GULP1: variants seen among roughly 807,000 people sequenced by gnomAD.
GULP1 encodes PTB domain-containing engulfment adapter protein 1.
GULP1 carries 19 observed loss-of-function variants against 40.9 expected under a neutral mutation model. The observed-to-expected ratio is 0.46, with a 90% CI of 0.32 to 0.68. The LOEUF is 0.68. Ranked by LOEUF, GULP1 falls within the 30% of genes least tolerant of loss-of-function variation. The pLI, the probability that GULP1 is intolerant of heterozygous loss-of-function variation, is 0.03. For synonymous variants in GULP1, 119 were observed against 117.6 expected (o/e 1.01, Z -0.08); for missense variants, 312 against 362.2 (o/e 0.86, Z 1.12).
intron 2 of GULP1, among the ~76,000 whole-genome samples, chr2:188,445,793 A>G (rs892598542): frequency 2.0e-5 from 3 of 152,164 alleles, no homozygotes; most frequent in Non-Finnish European, 2.9e-5. Context: ...TTTCCATTCC[A>G]GATCATTATT....
chr2:188,562,012 G>A (rs529967196), intron 7 of GULP1, among the ~76,000 whole-genome samples: 7 of 152,228 alleles, frequency 4.6e-5, no homozygotes, highest in African/African-American at 1.7e-4. Context: ...CCCACCCGTG[G>A]GAGCTTATTC....
chr2:188,438,678 AAT>A (rs1403510576), intron 2 of GULP1, among the ~76,000 whole-genome samples: 5 of 151,926 alleles, frequency 3.3e-5, no homozygotes, highest in African/African-American at 9.7e-5. Flanking sequence ...TCACAAAAAA[AAT>A]GTAAAGAAGG....
At chr2:188,390,321 G>C (rs2050345170) in intron 2 of GULP1, among the ~76,000 whole-genome samples, 1 of 151,840 alleles carries the variant, frequency 6.6e-6, no homozygotes, top group South Asian at 2.1e-4. Context: ...TATTCTTGCA[G>C]GGCATCTCAT....
intron 7 of GULP1, among the ~76,000 whole-genome samples, chr2:188,545,408 T>C (rs1691655772): frequency 6.6e-6 from 1 of 151,920 alleles, no homozygotes; most frequent in Admixed American, 6.6e-5. Context: ...TGATTTCATA[T>C]ATGGACATGA....
Position 188,398,999 on chromosome 2 carries a change from C to G in GULP1, c.-45+15110C>G, listed in dbSNP as rs572625359. Among the ~76,000 whole-genome samples the G allele has an allele frequency of 3.9e-4, 59 of 152,248 alleles. 2 individuals carry two copies. The highest frequency in any genetic ancestry group is 3.4e-3 in the Middle Eastern group (1 of 294). ...TTTATCAGTTAGGTAGCCTGACAAT[C>G]TAAACTAGAAACTTTTTGATCAGGC... On this transcript the variant is annotated intron_variant, in intron 2 of 11. Transcript: ENST00000409830.
At chr2:188,486,589 T>A (rs2061881694) in intron 4 of GULP1, among the ~76,000 whole-genome samples, 1 of 152,018 alleles carries the variant, frequency 6.6e-6, no homozygotes, top group South Asian at 2.1e-4. Context: ...TAATTCTTTT[T>A]TAGAACACAT....
chr2:188,550,730 T>C (rs947534771), intron 7 of GULP1, among the ~76,000 whole-genome samples: 7 of 151,738 alleles, frequency 4.6e-5, no homozygotes, highest in Admixed American at 3.9e-4. Context: ...CATATTCTTA[T>C]TATAGCCATA....
intron 2 of GULP1, among the ~76,000 whole-genome samples, chr2:188,460,423 C>T (rs79613288): frequency 6.3e-5 from 9 of 143,696 alleles, no homozygotes; most frequent in Middle Eastern, 3.6e-3. Context: ...AATGGGAATT[C>T]TTTTTTTTTT....
At chr2:188,585,193 A>G (rs183802617) in intron 10 of GULP1, among the ~76,000 whole-genome samples, 163 of 152,290 alleles carry the variant, frequency 1.1e-3, no homozygotes, top group Admixed American at 6.4e-3. Flanking sequence ...GATGGACCCC[A>G]AGGCCTTGGG....
rs1699512728 is a variant in GULP1 at position 188,573,398 on chromosome 2, A to G, written c.609+3278A>G. ...ATGATTCAGATTATTGAATTTGAAA[A>G]ACAGACAATGCAAATTGCAAATAAT... On this transcript the variant is annotated intron_variant, in intron 9 of 11. Coordinates refer to ENST00000409830, the MANE Select transcript of GULP1 (RefSeq NM_016315.4). Among the ~76,000 whole-genome samples the G allele has an allele frequency of 2.0e-5, 3 of 152,348 alleles. No individual in the cohort carries two copies. The South Asian group carries it at 6.2e-4, about 32-fold the overall frequency.
At chr2:188,592,300 G>A (rs1009426737) in intron 11 of GULP1, 8 of 151,798 alleles carry the variant, frequency 5.3e-5, no homozygotes, top group African/African-American at 1.7e-4. Context: ...ATCTATCAAT[G>A]TATCATCTAT....
At chr2:188,580,100 C>G (rs999332114) in intron 9 of GULP1, among the ~76,000 whole-genome samples, 2 of 151,924 alleles carry the variant, frequency 1.3e-5, no homozygotes, top group African/African-American at 4.8e-5. Context: ...TATTTGGGAA[C>G]GAAAAACAAA....
chr2:188,483,758 A>G (rs2061621033), intron 4 of GULP1, among the ~76,000 whole-genome samples: 1 of 152,126 alleles, frequency 6.6e-6, no homozygotes, highest in African/African-American at 2.4e-5. Flanking sequence ...CATTTGCAAT[A>G]TCATGGCTTG....
At chr2:188,298,842 ATG>A (rs2035550087) in intron 1 of GULP1, among the ~76,000 whole-genome samples, 1 of 152,184 alleles carries the variant, frequency 6.6e-6, no homozygotes, top group African/African-American at 2.4e-5. Context: ...TTGGAAGTAA[ATG>A]CTCGGTGCTG....
chr2:188,579,998 CAG>C (rs1700935689), intron 9 of GULP1, among the ~76,000 whole-genome samples: 1 of 152,146 alleles, frequency 6.6e-6, no homozygotes, highest in African/African-American at 2.4e-5. Context: ...TTACTCAGTA[CAG>C]ACAGCCTTAT....
chr2:188,443,890 T>G (rs2058160323), intron 2 of GULP1, among the ~76,000 whole-genome samples: 1 of 152,166 alleles, frequency 6.6e-6, no homozygotes, highest in Non-Finnish European at 1.5e-5. Flanking sequence ...ATTTAAATAT[T>G]TCAATTAAGA....
chr2:188,313,584 C>G (rs1485824336), intron 1 of GULP1, among the ~76,000 whole-genome samples: 1 of 152,058 alleles, frequency 6.6e-6, no homozygotes, highest in African/African-American at 2.4e-5. Flanking sequence ...TTAGGATTGT[C>G]TTGGCTATAT....
At chr2:188,302,220 G>A (rs140172540) in intron 1 of GULP1, among the ~76,000 whole-genome samples, 279 of 152,194 alleles carry the variant, frequency 1.8e-3, no homozygotes, top group Non-Finnish European at 3.6e-3. Flanking sequence ...CAGTAGATAA[G>A]TCAATCATCT....
At chr2:188,373,976 G>C (rs1467197423) in intron 1 of GULP1, among the ~76,000 whole-genome samples, 2 of 151,970 alleles carry the variant, frequency 1.3e-5, no homozygotes, top group East Asian at 3.9e-4. Context: ...TTCAAAAGAA[G>C]TGAAGATGTA....
Sources: gnomAD v4.1 joint callset for allele counts (sites outside exome capture counted in the v4.1 genomes callset) on GRCh38, gnomAD v4.1.1 for gene constraint, MANE v1.5 for transcripts, NCBI Gene and HGNC (gene_info 2026-07-23, HGNC 2026-07-21) for gene names.